Variants in CPXM2 observed in about 807,000 individuals in gnomAD.
CPXM2 encodes the protein inactive carboxypeptidase-like protein X2.
CPXM2 carries 66 observed loss-of-function variants against 86.1 expected under a neutral mutation model. The ratio of observed to expected loss-of-function variants is 0.77; its 90% confidence interval spans 0.63 to 0.94. The LOEUF (loss-of-function observed/expected upper bound fraction) is 0.94, where lower values mean the gene tolerates loss of function less well. CPXM2 is among the 40% of genes least tolerant of loss of function. CPXM2 has a pLI of 0.00. For missense variants in CPXM2, 948 were observed against 1,026.3 expected (o/e 0.92, Z 1.04); for synonymous variants, 388 against 400.2 (o/e 0.97, Z 0.36).
At chr10:123,913,877 A>G in intron 2 of CPXM2, 2 of 403,004 alleles carry the variant, frequency 5.0e-6, no homozygotes, top group South Asian at 3.7e-5. Context: ...CTCAGGAGGC[A>G]CCCCCCTCCC....
intron 7 of CPXM2, among the ~76,000 whole-genome samples, chr10:123,779,340 C>A (rs1250973545): frequency 6.6e-6 from 1 of 152,184 alleles, no homozygotes; most frequent in Non-Finnish European, 1.5e-5. Context: ...ACACACCGTC[C>A]CTTCCCCCTT....
chr10:123,819,598 T>C (rs1385996297), intron 4 of CPXM2, among the ~76,000 whole-genome samples: 1 of 152,214 alleles, frequency 6.6e-6, no homozygotes, highest in Non-Finnish European at 1.5e-5. Flanking sequence ...TGACATGAGA[T>C]TTATTGACTT....
intron 2 of CPXM2, among the ~76,000 whole-genome samples, chr10:123,916,385 C>G (rs537045884): frequency 3.3e-5 from 5 of 152,264 alleles, no homozygotes; most frequent in African/African-American, 1.2e-4. Flanking sequence ...CTTCTGTGTC[C>G]AGGTCTGCAA....
upstream of CPXM2, among the ~76,000 whole-genome samples, chr10:123,942,873 A>T (rs1418456068): frequency 6.6e-6 from 1 of 152,228 alleles, no homozygotes; most frequent in Non-Finnish European, 1.5e-5. Context: ...CACATATATG[A>T]TGATGGTCCC....
rs1290327808 is a variant in CPXM2, at chr10:123,891,411, G to T, written c.249C>A (p.Thr83=). Residue 83 remains threonine, a synonymous_variant, in exon 1 of 14, where the codon ACC becomes ACA. Coordinates refer to ENST00000241305, the MANE Select transcript of CPXM2 (RefSeq NM_198148.3). The surrounding 1 kb of genome is among the most constrained non-coding windows in gnomAD (Gnocchi z 5.6). ...PQEPRPPKRA[T]KPKKAPKREK... ...CCCTCTTGGGAGCTTTCTTGGGCTT[G>T]GTGGCCCTCTTGGGCGGCCTGGGCT... 3 of 1,565,178 alleles carry T rather than the reference G, an allele frequency of 1.9e-6. No individual in the cohort carries two copies. Among genetic ancestry groups the T allele is most frequent in the Non-Finnish European group, 2.6e-6 (3 of 1,154,654 alleles).
intron 2 of CPXM2, among the ~76,000 whole-genome samples, chr10:123,874,637 C>T (rs1295982433): frequency 1.3e-5 from 2 of 152,092 alleles, no homozygotes; most frequent in Non-Finnish European, 2.9e-5. Flanking sequence ...TTAAATCCAT[C>T]CAAGAGTCAG....
In CPXM2 at chr10:123,891,504, G is replaced by C; in HGVS notation, c.156C>G (p.Pro52=). 3 of 1,547,704 alleles carry C rather than the reference G, an allele frequency of 1.9e-6. No homozygotes were observed. The highest frequency in any genetic ancestry group is 2.6e-6 in the Non-Finnish European group (3 of 1,145,226). ...SREPYYARPE[P]ELETFSPPLP... ...GCGGCGGAGAGAAGGTCTCGAGCTCGGGCTCCGGGCGCGCGTAGTAGGGCT... is the reference window on the plus strand; with the variant it reads ...GCGGCGGAGAGAAGGTCTCGAGCTCCGGCTCCGGGCGCGCGTAGTAGGGCT... The change falls in exon 1 of 14, where the codon CCC becomes CCG. Residue 52 remains proline (P), a synonymous_variant. Coordinates refer to ENST00000241305, the MANE Select transcript of CPXM2 (RefSeq NM_198148.3). This position sits in a 1 kb window ranked among gnomAD's most constrained non-coding sequence, Gnocchi z 5.6.
At chr10:123,884,350 G>C (rs1423521451) in intron 1 of CPXM2, among the ~76,000 whole-genome samples, 5 of 152,186 alleles carry the variant, frequency 3.3e-5, no homozygotes, top group African/African-American at 1.2e-4. Context: ...CTCACACAGG[G>C]AGAGCCGGGA....
chr10:123,785,634 CT>C (rs34924886), intron 6 of CPXM2, among the ~76,000 whole-genome samples: 4,121 of 136,666 alleles, frequency 0.03, 52 homozygotes, highest in South Asian at 0.036. Context: ...ACTTTAGCTT[CT>C]TTTTTTTTTT....
chr10:123,829,330 A>T lies in CPXM2; in HGVS notation c.653+13019T>A, dbSNP rs116273520. Among the ~76,000 whole-genome samples the T allele has an allele frequency of 9.8e-3, 1,485 of 152,298 alleles. 17 individuals are homozygous for T. Among genetic ancestry groups the T allele is most frequent in the African/African-American group, 0.032 (1,321 of 41,548 alleles). The stretch of plus-strand genomic sequence containing the variant: ...GTTTGGCAGTGTCTTACAAAACTGA[A>T]TACGCAATGAACAGACAAATGTGTA... On this transcript the variant is annotated intron_variant, in intron 4 of 13. Coordinates refer to ENST00000241305, the MANE Select transcript of CPXM2 (RefSeq NM_198148.3).
At chr10:123,848,588 A>G (rs764128469) in intron 3 of CPXM2, among the ~76,000 whole-genome samples, 3 of 152,250 alleles carry the variant, frequency 2.0e-5, no homozygotes, top group Non-Finnish European at 2.9e-5. Flanking sequence ...AAACAGGCAA[A>G]TGTTTTCACA....
intron 3 of CPXM2, among the ~76,000 whole-genome samples, chr10:123,859,100 T>G (rs1848800887): frequency 6.6e-6 from 1 of 152,146 alleles, no homozygotes; most frequent in African/African-American, 2.4e-5. Context: ...TCTGCGCCTA[T>G]AGAGTCCTAG....
rs75443377 is a variant in CPXM2, at chr10:123,842,556, C to T, written c.514-68G>A. The T allele has an allele frequency of 7.9e-5, 120 of 1,513,392 alleles. No homozygotes were observed. In the African/African-American group the frequency reaches 1.5e-3, roughly 19 times the overall value. The allele number at this position is 1,513,392 out of a possible 1,614,324, so 93.7% of individuals were successfully genotyped here. On this transcript the variant is annotated intron_variant, in intron 3 of 13. Coordinates refer to ENST00000241305, the MANE Select transcript of CPXM2 (RefSeq NM_198148.3). ...TGAAGAAAATTAAGACATATCTTTT[C>T]CTGAGGCTGAGAGGAAGGGAGGGAG...
chr10:123,770,957 T>C lies in CPXM2; in HGVS notation c.1061A>G (p.Tyr354Cys), dbSNP rs754069945. 2 of 1,614,046 alleles carry C rather than the reference T, an allele frequency of 1.2e-6. No homozygotes were observed. The highest frequency in any genetic ancestry group is 1.1e-5 in the South Asian group (1 of 91,086). Reference sequence around the variant, plus strand: ...AGGGTGATCTGAGATCTCCACAGCATACAGCTTCAGGCCCTGGTGGCTTTT... The same window carrying C: ...AGGGTGATCTGAGATCTCCACAGCACACAGCTTCAGGCCCTGGTGGCTTTT... Reference protein sequence around the residue: ...IGKSHQGLKLYAVEISDHPGE... With the variant: ...IGKSHQGLKLCAVEISDHPGE... Residue 354 changes from tyrosine to cysteine, a missense_variant, in exon 8 of 14, where the codon TAT becomes TGT. Coordinates refer to ENST00000241305, the MANE Select transcript of CPXM2 (RefSeq NM_198148.3).
At chr10:123,910,239 T>G (rs1945476986) in intron 2 of CPXM2, among the ~76,000 whole-genome samples, 1 of 152,134 alleles carries the variant, frequency 6.6e-6, no homozygotes, top group Admixed American at 6.5e-5. Flanking sequence ...GGTGCCTTGC[T>G]TTGAATGCCT....
At chr10:123,770,465 G>A (rs888747261) in intron 8 of CPXM2, among the ~76,000 whole-genome samples, 2 of 152,236 alleles carry the variant, frequency 1.3e-5, no homozygotes, top group African/African-American at 4.8e-5. Flanking sequence ...CTATACAGGT[G>A]CAGGCTGGGG....
intron 6 of CPXM2, among the ~76,000 whole-genome samples, chr10:123,797,735 T>C (rs1847364405): frequency 6.6e-6 from 1 of 151,866 alleles, no homozygotes; most frequent in African/African-American, 2.4e-5. Flanking sequence ...ATTTTTATAT[T>C]TTATTTATTA....
At chr10:123,858,673 G>A (rs1482353688) in intron 3 of CPXM2, among the ~76,000 whole-genome samples, 3 of 152,132 alleles carry the variant, frequency 2.0e-5, no homozygotes, top group Admixed American at 6.5e-5. Flanking sequence ...ATGAAATCAC[G>A]TGCATAAGGC....
At chr10:123,925,802 T>A (rs1037701800) in intron 2 of CPXM2, among the ~76,000 whole-genome samples, 3 of 152,200 alleles carry the variant, frequency 2.0e-5, no homozygotes, top group Non-Finnish European at 4.4e-5. Flanking sequence ...ACCTACTAAG[T>A]GTCAAGGCTC....
Sources: allele counts gnomAD v4.1 joint callset (sites outside exome capture counted in the v4.1 genomes callset), GRCh38; gene constraint gnomAD v4.1.1; non-coding constraint Gnocchi (gnomAD v3.1); transcripts MANE v1.5; gene names NCBI Gene and HGNC (gene_info 2026-07-23, HGNC 2026-07-21).